The following CMKLR2 variants were observed in gnomAD, a reference collection of about 807,000 sequenced individuals.
CMKLR2 encodes chemerin-like receptor 2.
Under a neutral mutation model 23.0 loss-of-function variants are expected in CMKLR2, and 18 were observed. The ratio of observed to expected loss-of-function variants is 0.78; its 90% CI spans 0.54 to 1.16. The LOEUF is 1.16. Ranked by LOEUF, CMKLR2 falls within the 50% of genes most tolerant of loss-of-function variation. CMKLR2 has a pLI of 0.00. For synonymous variants in CMKLR2, 158 were observed against 158.9 expected (o/e 0.99, Z 0.05); for missense variants, 401 against 412.7 (o/e 0.97, Z 0.25).
At chr2:206,209,210 C>A (rs1039707813) in intron 1 of CMKLR2, among the ~76,000 whole-genome samples, 6 of 151,922 alleles carry the variant, frequency 3.9e-5, no homozygotes, top group Admixed American at 3.3e-4. Context: ...TGGTGGTACA[C>A]GCCTGTAATC....
chr2:206,189,329 C>A (rs1292188945), intron 1 of CMKLR2, among the ~76,000 whole-genome samples: 1 of 152,072 alleles, frequency 6.6e-6, no homozygotes. Flanking sequence ...TGCTTCTGAC[C>A]GGATAACAGG....
chr2:206,202,960 C>T (rs1689155693), intron 1 of CMKLR2, among the ~76,000 whole-genome samples: 1 of 151,954 alleles, frequency 6.6e-6, no homozygotes, highest in Admixed American at 6.6e-5. Flanking sequence ...GATCGACCTC[C>T]TCCCTCCTAG....
At chr2:206,204,457 C>T (rs531330899) in intron 1 of CMKLR2, among the ~76,000 whole-genome samples, 2 of 151,700 alleles carry the variant, frequency 1.3e-5, no homozygotes, top group African/African-American at 4.8e-5. Context: ...CATGACTTTG[C>T]TGAAACATAG....
In CMKLR2 at chr2:206,177,226, A is replaced by G. The variant is rs2105797577; in HGVS notation, c.22T>C (p.Leu8=). The G allele has an allele frequency of 1.2e-6, 2 of 1,603,584 alleles. No individual in the cohort carries two copies. The highest frequency in any genetic ancestry group is 8.5e-7 in the Non-Finnish European group (1 of 1,173,544). MEDLEET[L]FEEFENYSYD... ...GAATAGTTTTCAAATTCTTCAAATA[A>G]TGTTTCCTCCAAATCTTCCATGACC... Residue 8 remains leucine (L), a synonymous_variant, in exon 2 of 2, where the codon TTA becomes CTA. Transcript: ENST00000621141.
At chr2:206,195,857 G>C (rs986897274) in intron 1 of CMKLR2, among the ~76,000 whole-genome samples, 1 of 152,120 alleles carries the variant, frequency 6.6e-6, no homozygotes, top group Non-Finnish European at 1.5e-5. Flanking sequence ...GGGAGGCTGA[G>C]GCAGAAGAAT....
Position 206,187,117 on chromosome 2 carries a change from C to T in CMKLR2, c.-28-9842G>A, listed in dbSNP as rs147269605. Among the ~76,000 whole-genome samples the T allele has an allele frequency of 2.2e-4, 34 of 152,134 alleles. No individual in the cohort carries two copies. In the South Asian group the frequency reaches 3.9e-3, roughly 18 times the overall value. ...ATCTCAACATTTTGGGAGGCCAAGA[C>T]GGGCAGATCACTTGAGGTAAGGAGT... On this transcript the variant is annotated intron_variant, in intron 1 of 1. Coordinates refer to ENST00000621141, the MANE Select transcript of CMKLR2 (RefSeq NM_001389445.1).
chr2:206,184,955 G>A (rs1351402758), intron 1 of CMKLR2, among the ~76,000 whole-genome samples: 2 of 152,080 alleles, frequency 1.3e-5, no homozygotes, highest in East Asian at 1.9e-4. Context: ...AATTGAAAAG[G>A]ATAAAGGGAA....
intron 1 of CMKLR2, among the ~76,000 whole-genome samples, chr2:206,209,339 CAAA>C (rs112877056): frequency 8.5e-6 from 1 of 117,388 alleles, no homozygotes; most frequent in Non-Finnish European, 1.8e-5. Flanking sequence ...ACTCTGTCTC[CAAA>C]AAAAAAAAAA....
upstream of CMKLR2, among the ~76,000 whole-genome samples, chr2:206,214,165 A>ATTTTTTTTTTTTTTTTT (rs34307347): frequency 2.8e-4 from 18 of 64,934 alleles, no homozygotes; most frequent in South Asian, 6.3e-4. Flanking sequence ...TAAAGACTTG[A>ATTTTTTTTTTTTTTTTT]TTTTTTTTTT....
intron 1 of CMKLR2, among the ~76,000 whole-genome samples, chr2:206,194,653 C>T (rs917479758): frequency 6.7e-6 from 1 of 149,752 alleles, no homozygotes; most frequent in African/African-American, 2.5e-5. Flanking sequence ...CCAGGCTGAT[C>T]TTGAACCCCT....
chr2:206,192,135 G>A (rs1010114951), intron 1 of CMKLR2, among the ~76,000 whole-genome samples: 37 of 151,050 alleles, frequency 2.4e-4, no homozygotes, highest in Non-Finnish European at 4.3e-4. Flanking sequence ...GAGCCACTGC[G>A]CCAGGCCTAC....
chr2:206,202,638 G>C (rs544404401), intron 1 of CMKLR2, among the ~76,000 whole-genome samples: 1 of 152,062 alleles, frequency 6.6e-6, no homozygotes, highest in Admixed American at 6.6e-5. Context: ...CCTGGTTAAG[G>C]CTGGATGGCG....
intron 1 of CMKLR2, among the ~76,000 whole-genome samples, chr2:206,206,678 A>G (rs954982279): frequency 2.0e-5 from 3 of 152,036 alleles, no homozygotes; most frequent in Non-Finnish European, 4.4e-5. Context: ...TCCGCCACCA[A>G]CCTGTGGTTT....
At chr2:206,213,066 G>C (rs1333460216) in intron 1 of CMKLR2, among the ~76,000 whole-genome samples, 2 of 152,212 alleles carry the variant, frequency 1.3e-5, no homozygotes, top group African/African-American at 4.8e-5. Flanking sequence ...CTCTCTTGCA[G>C]TGTTTTAGGA....
intron 1 of CMKLR2, among the ~76,000 whole-genome samples, chr2:206,184,927 AC>A (rs1464749232): frequency 6.6e-6 from 1 of 152,250 alleles, no homozygotes; most frequent in Non-Finnish European, 1.5e-5. Flanking sequence ...GATGGTAAGT[AC>A]TACAGAAAGA....
At chr2:206,197,199 C>T (rs995146385) in intron 1 of CMKLR2, among the ~76,000 whole-genome samples, 3 of 151,956 alleles carry the variant, frequency 2.0e-5, no homozygotes, top group Admixed American at 6.6e-5. Flanking sequence ...TGAGCCACTG[C>T]GCCCGGCCCA....
chr2:206,215,041 G>T (rs1426018352), upstream of CMKLR2, among the ~76,000 whole-genome samples: 1 of 152,018 alleles, frequency 6.6e-6, no homozygotes, highest in Non-Finnish European at 1.5e-5. Flanking sequence ...GTTTTTTTCC[G>T]CTGTTAAAGA....
At chr2:206,211,358 TCTGTCTCC>T (rs1207111921) in intron 1 of CMKLR2, among the ~76,000 whole-genome samples, 1 of 152,216 alleles carries the variant, frequency 6.6e-6, no homozygotes, top group African/African-American at 2.4e-5. Flanking sequence ...GGAGTCTTGC[TCTGTCTCC>T]CAGGCTAGAG....
chr2:206,193,817 T>C (rs1688831002), intron 1 of CMKLR2, among the ~76,000 whole-genome samples: 3 of 152,302 alleles, frequency 2.0e-5, no homozygotes, highest in African/African-American at 7.2e-5. Flanking sequence ...CAAGATAGCC[T>C]TCCAAAATTT....
Sources: gnomAD v4.1 joint callset for allele counts (sites outside exome capture counted in the v4.1 genomes callset) on GRCh38, gnomAD v4.1.1 for gene constraint, MANE v1.5 for transcripts, NCBI Gene and HGNC (gene_info 2026-07-23, HGNC 2026-07-21) for gene names.